ADGRL3: variants seen among roughly 807,000 people sequenced by gnomAD.
ADGRL3 encodes the protein calcium-independent alpha-latrotoxin receptor 3.
Under a neutral mutation model 153.5 loss-of-function variants are expected in ADGRL3, and 62 were observed. The observed-to-expected ratio is 0.40, with a 90% CI of 0.33 to 0.50. ADGRL3 has a LOEUF of 0.50. ADGRL3 is among the 20% of genes least tolerant of loss of function. ADGRL3 has a pLI of 0.47. For missense variants in ADGRL3, 1,641 were observed against 1,859.4 expected (o/e 0.88, Z 2.16); for synonymous variants, 710 against 672.5 (o/e 1.06, Z -0.86).
chr4:62,043,063 T>C (rs1729234969), intron 24 of ADGRL3, among the ~76,000 whole-genome samples: 1 of 152,124 alleles, frequency 6.6e-6, no homozygotes, highest in Non-Finnish European at 1.5e-5. Flanking sequence ...TAATTTTCTT[T>C]GTTTTATATT....
chr4:61,518,812 G>A (rs2098513276), intron 4 of ADGRL3, among the ~76,000 whole-genome samples: 2 of 152,070 alleles, frequency 1.3e-5, no homozygotes, highest in African/African-American at 2.4e-5. Context: ...AAAATTCAAG[G>A]GCAATGGATA....
At chr4:61,695,972 T>G (rs958666213) in intron 6 of ADGRL3, among the ~76,000 whole-genome samples, 1 of 152,164 alleles carries the variant, frequency 6.6e-6, no homozygotes, top group African/African-American at 2.4e-5. Flanking sequence ...TCTCTCAGCC[T>G]TCACAGAAAT....
intron 9 of ADGRL3, among the ~76,000 whole-genome samples, chr4:61,891,982 G>A (rs1219016100): frequency 2.0e-5 from 3 of 152,186 alleles, no homozygotes; most frequent in Non-Finnish European, 4.4e-5. Flanking sequence ...AATCTTGTTA[G>A]AGGATAATTT....
intron 10 of ADGRL3, among the ~76,000 whole-genome samples, 159 bp downstream of exon 10, chr4:61,893,117 TTCTC>T (rs1166712680): frequency 7.0e-6 from 1 of 142,904 alleles, no homozygotes; most frequent in African/African-American, 2.6e-5. Flanking sequence ...CCTTCTTTCT[TTCTC>T]TCTTTCTCTC....
chr4:61,428,894 C>CATCTATCTATCTATCT (rs5858699), intron 2 of ADGRL3, among the ~76,000 whole-genome samples: 2 of 98,288 alleles, frequency 2.0e-5, no homozygotes, highest in East Asian at 2.5e-4. Context: ...CTATCTATAT[C>CATCTATCTATCTATCT]ATCTATCTAT....
chr4:61,403,222 C>G (rs1338772647), intron 2 of ADGRL3, among the ~76,000 whole-genome samples: 1 of 152,034 alleles, frequency 6.6e-6, no homozygotes, highest in Non-Finnish European at 1.5e-5. Context: ...TCTGAAGTGG[C>G]AAATGTCTTT....
At position 61,608,707 on chromosome 4, in the gene ADGRL3, T is replaced by C. The variant is rs149443199; in HGVS notation, c.473+21267T>C. Among the ~76,000 whole-genome samples, 405 of 152,304 alleles carry C rather than the reference T, an allele frequency of 2.7e-3. 1 individual carries two copies. Among genetic ancestry groups the C allele is most frequent in the Non-Finnish European group, 4.7e-3 (322 of 68,008 alleles). On this transcript the variant is annotated intron_variant, in intron 5 of 26. Coordinates refer to ENST00000683033, the MANE Select transcript of ADGRL3 (RefSeq NM_001387552.1). The stretch of plus-strand genomic sequence containing the variant: ...GTCTCTGTTTTCTTTTTTGGGACAC[T>C]ATAAGGTCATAGACACATGGAATTT...
chr4:61,201,554 T>G lies in ADGRL3; in HGVS notation c.-451T>G, dbSNP rs191808889. On this transcript the variant is annotated 5_prime_UTR_variant, in exon 1 of 27. Coordinates refer to ENST00000683033, the MANE Select transcript of ADGRL3 (RefSeq NM_001387552.1). ...AGCGGAAGAAAGGGAAGAGAGACTT[T>G]TTGTTGTTGTTTCCTTGACTGGGGT... 6.6e-6 allele frequency: 1 copy of G among 152,284 alleles called. No individual in the cohort carries two copies. The highest frequency in any genetic ancestry group is 1.9e-4 in the East Asian group (1 of 5,156). 9.4% of individuals were successfully genotyped at this position (152,284 alleles called of 1,614,324 possible).
In ADGRL3 at chr4:61,997,575, T is replaced by G. The variant is rs150873893; in HGVS notation, c.3304-599T>G. 7.9e-4 allele frequency among the ~76,000 whole-genome samples: 121 copies of G among 152,278 alleles called. 2 individuals carry two copies. In the East Asian group the frequency reaches 0.014, roughly 18 times the overall value. ...TTACTTGTGTGTGATATATGAAGTT[T>G]ACATGAGAGCTTTCTGTTTTTCTGT... On this transcript the variant is annotated intron_variant, in intron 20 of 26. Transcript: ENST00000683033.
chr4:61,365,627 G>A (rs1402641831), intron 1 of ADGRL3, among the ~76,000 whole-genome samples: 1 of 152,206 alleles, frequency 6.6e-6, no homozygotes, highest in Non-Finnish European at 1.5e-5. Context: ...ATTTAAAATT[G>A]CTTCAGCTTC....
intron 21 of ADGRL3, among the ~76,000 whole-genome samples, chr4:62,004,265 A>AAT (rs1210233531): frequency 6.6e-6 from 1 of 151,608 alleles, no homozygotes; most frequent in Non-Finnish European, 1.5e-5. Flanking sequence ...GTTAATAATA[A>AAT]ATATATATAG....
Position 61,357,353 on chromosome 4 carries a change from T to C in ADGRL3, c.-239-25771T>C, listed in dbSNP as rs2096194530. Among the ~76,000 whole-genome samples the C allele has an allele frequency of 1.3e-5, 2 of 152,092 alleles. 1 individual carries two copies. The highest frequency in any genetic ancestry group is 4.1e-4 in the South Asian group (2 of 4,836). On this transcript the variant is annotated intron_variant, in intron 1 of 26. Coordinates refer to ENST00000683033, the MANE Select transcript of ADGRL3 (RefSeq NM_001387552.1). The stretch of plus-strand genomic sequence containing the variant: ...ATGTAGTAGAATTTTTTGAGTTCCA[T>C]TGTAGGATAATAGTAGAGCATGCTG...
At chr4:61,245,255 G>A (rs1337292098) in intron 1 of ADGRL3, among the ~76,000 whole-genome samples, 2 of 152,072 alleles carry the variant, frequency 1.3e-5, no homozygotes, top group Non-Finnish European at 2.9e-5. Flanking sequence ...CGAACCTTGA[G>A]TACTGCTCAG....
At chr4:61,872,249 G>A (rs2098449928) in intron 9 of ADGRL3, among the ~76,000 whole-genome samples, 1 of 152,162 alleles carries the variant, frequency 6.6e-6, no homozygotes, top group South Asian at 2.1e-4. Flanking sequence ...GAAAAGCCCT[G>A]TGACTGAAAA....
rs1483630194 is a variant in ADGRL3, at chr4:61,360,411, TA to T, written c.-239-22712del. Among the ~76,000 whole-genome samples, 5 of 152,128 alleles carry T rather than the reference TA, an allele frequency of 3.3e-5. No homozygotes were observed. The East Asian group carries it at 9.6e-4, about 29-fold the overall frequency. On this transcript the variant is annotated intron_variant, in intron 1 of 26. Coordinates refer to ENST00000683033, the MANE Select transcript of ADGRL3 (RefSeq NM_001387552.1). ...GTTGAGAAATGTCCATCTTTAAGTGTATGTCAGACAGCACTGACCAAATAGT... is the reference window on the plus strand; with the variant it reads ...GTTGAGAAATGTCCATCTTTAAGTGTTGTCAGACAGCACTGACCAAATAGT...
chr4:61,652,206 T>C (rs1402035371), intron 5 of ADGRL3, among the ~76,000 whole-genome samples: 1 of 152,004 alleles, frequency 6.6e-6, no homozygotes. Context: ...CAGGAGGTTT[T>C]TTTAAGATAC....
intron 16 of ADGRL3, 80 bp downstream of exon 16, chr4:61,947,202 T>C (rs1382548919): frequency 1.8e-6 from 2 of 1,116,114 alleles, no homozygotes; most frequent in East Asian, 5.0e-5. Flanking sequence ...ATTAATTTTC[T>C]TTTAATGTTT....
chr4:61,714,989 ATAAG>A (rs1467331807), intron 6 of ADGRL3, among the ~76,000 whole-genome samples: 1 of 152,172 alleles, frequency 6.6e-6, no homozygotes, highest in East Asian at 1.9e-4. Context: ...TCATCAATCA[ATAAG>A]TATTTCAAGT....
At chr4:61,912,428 A>G (rs972128766) in intron 12 of ADGRL3, among the ~76,000 whole-genome samples, 6 of 152,192 alleles carry the variant, frequency 3.9e-5, no homozygotes, top group Non-Finnish European at 7.3e-5. Context: ...AATGAAGTAT[A>G]TTGATTTTTA....
Sources: gnomAD v4.1 joint callset for allele counts (sites outside exome capture counted in the v4.1 genomes callset) on GRCh38, gnomAD v4.1.1 for gene constraint, MANE v1.5 for transcripts, NCBI Gene and HGNC (gene_info 2026-07-23, HGNC 2026-07-21) for gene names.